The following LSAMP variants were observed in gnomAD, a reference collection of about 807,000 sequenced individuals.
LSAMP encodes limbic system-associated membrane protein.
A neutral mutation model predicts 38.6 loss-of-function variants in LSAMP; 7 were observed. That is an observed-to-expected ratio of 0.18 (90% CI 0.10 to 0.34). The LOEUF (loss-of-function observed/expected upper bound fraction) is 0.34. Among genes scored for constraint, LSAMP ranks in the 10% least tolerant of loss-of-function variants. LSAMP has a pLI of 1.00. For synonymous variants in LSAMP, 154 were observed against 166.8 expected, an observed-to-expected ratio of 0.92 and a Z score of 0.59; for missense variants, 313 against 420.0, an observed-to-expected ratio of 0.75 and a Z score of 2.23.
chr3:116,080,101 G>A (rs1027889300), intron 2 of LSAMP, among the ~76,000 whole-genome samples: 1 of 152,082 alleles, frequency 6.6e-6, no homozygotes, highest in Non-Finnish European at 1.5e-5. Context: ...GCCATAGACC[G>A]GATGTAGTTA....
At chr3:116,409,933 A>T (rs2048948881) in intron 1 of LSAMP, among the ~76,000 whole-genome samples, 1 of 152,082 alleles carries the variant, frequency 6.6e-6, no homozygotes, top group African/African-American at 2.4e-5. Flanking sequence ...GTGTCTGCTC[A>T]GATTCCTAAC....
At chr3:116,122,585 A>G (rs1166363342) in intron 1 of LSAMP, among the ~76,000 whole-genome samples, 2 of 152,192 alleles carry the variant, frequency 1.3e-5, no homozygotes, top group East Asian at 1.9e-4. Context: ...AGTAATCTCT[A>G]TGAGTGTGAA....
At chr3:116,410,175 G>A (rs907260705) in intron 1 of LSAMP, among the ~76,000 whole-genome samples, 23 of 151,938 alleles carry the variant, frequency 1.5e-4, no homozygotes, top group Non-Finnish European at 3.1e-4. Context: ...CCTCAATCAC[G>A]ACTCTAAGTG....
chr3:115,810,554 A>T, intron 6 of LSAMP, 140 bp from the exon 7 acceptor site: 1 of 681,844 alleles, frequency 1.5e-6, no homozygotes, highest in Non-Finnish European at 2.6e-6. Context: ...TGTGCAGCCC[A>T]AGAAGCGCTC....
intron 3 of LSAMP, among the ~76,000 whole-genome samples, chr3:115,904,654 G>A (rs544740475): frequency 6.6e-6 from 1 of 152,108 alleles, no homozygotes; most frequent in Non-Finnish European, 1.5e-5. Context: ...TCTAAAATGC[G>A]AATCTGATCA....
chr3:116,379,690 T>A (rs187742849), intron 1 of LSAMP, among the ~76,000 whole-genome samples: 43 of 151,802 alleles, frequency 2.8e-4, no homozygotes, highest in Non-Finnish European at 4.6e-4. Context: ...AAGAAAAAAA[T>A]ATATATATTT....
intron 1 of LSAMP, among the ~76,000 whole-genome samples, chr3:116,202,355 A>G (rs908836502): frequency 6.6e-6 from 1 of 151,910 alleles, no homozygotes; most frequent in Non-Finnish European, 1.5e-5. Context: ...GCTAATCTTG[A>G]ACTCCTGACC....
At chr3:116,024,114 C>A (rs1186744475) in intron 2 of LSAMP, among the ~76,000 whole-genome samples, 1 of 152,142 alleles carries the variant, frequency 6.6e-6, no homozygotes, top group African/African-American at 2.4e-5. Context: ...TCATGCCCCA[C>A]TCTGGAGGCC....
intron 3 of LSAMP, among the ~76,000 whole-genome samples, chr3:115,925,042 T>G (rs936955100): frequency 6.6e-6 from 1 of 152,198 alleles, no homozygotes; most frequent in Non-Finnish European, 1.5e-5. Context: ...ATTCCCTGCC[T>G]GTGGGGCTCA....
intron 6 of LSAMP, among the ~76,000 whole-genome samples, chr3:115,812,660 CAG>C (rs1356237400): frequency 3.9e-5 from 6 of 152,068 alleles, no homozygotes; most frequent in African/African-American, 7.2e-5. Context: ...GTTTTCAAAA[CAG>C]AGAAAAACTA....
At chr3:116,333,796 A>T (rs67178951) in intron 1 of LSAMP, among the ~76,000 whole-genome samples, 40,107 of 151,764 alleles carry the variant, frequency 0.26, 7,719 homozygotes, top group African/African-American at 0.54. Context: ...CGAACACTTA[A>T]ATTTAAAAAA....
At chr3:116,168,117 AAAC>A (rs1710105173) in intron 1 of LSAMP, among the ~76,000 whole-genome samples, 2 of 118,182 alleles carry the variant, frequency 1.7e-5, no homozygotes, top group African/African-American at 6.0e-5. Flanking sequence ...TGGTGGAAAT[AAAC>A]AAGTTATTCA....
At chr3:116,034,892 A>G (rs1040495543) in intron 2 of LSAMP, among the ~76,000 whole-genome samples, 1 of 152,160 alleles carries the variant, frequency 6.6e-6, no homozygotes, top group Non-Finnish European at 1.5e-5. Context: ...TATTTAACAT[A>G]TATATAGTGT....
chr3:116,037,818 T>C (rs1559929516), intron 2 of LSAMP, among the ~76,000 whole-genome samples: 1 of 152,106 alleles, frequency 6.6e-6, no homozygotes, highest in Non-Finnish European at 1.5e-5. Context: ...CATACTGATA[T>C]ATATATATCA....
intron 1 of LSAMP, among the ~76,000 whole-genome samples, chr3:116,187,988 CTG>C (rs1048971656): frequency 6.6e-6 from 1 of 152,220 alleles, no homozygotes; most frequent in South Asian, 2.1e-4. Context: ...TTGTTCCCCT[CTG>C]TGTGTCCGTG....
chr3:115,878,828 T>A (rs1488280994), intron 3 of LSAMP, among the ~76,000 whole-genome samples: 1 of 152,112 alleles, frequency 6.6e-6, no homozygotes, highest in Non-Finnish European at 1.5e-5. Context: ...ATGTCACCAA[T>A]TCCAGGAGTT....
intron 3 of LSAMP, among the ~76,000 whole-genome samples, chr3:115,975,704 T>A (rs1338835285): frequency 1.3e-5 from 2 of 152,118 alleles, no homozygotes; most frequent in Admixed American, 6.6e-5. Flanking sequence ...GCATTGACTG[T>A]TTTTTTCCCT....
chr3:116,211,516 CTA>C (rs2046156621), intron 1 of LSAMP, among the ~76,000 whole-genome samples: 1 of 152,128 alleles, frequency 6.6e-6, no homozygotes, highest in South Asian at 2.1e-4. Context: ...AACCAAGACT[CTA>C]TTAAGCTAAT....
chr3:116,112,585 A>G (rs1375918552), intron 1 of LSAMP, among the ~76,000 whole-genome samples: 1 of 152,178 alleles, frequency 6.6e-6, no homozygotes, highest in Admixed American at 6.5e-5. Flanking sequence ...CTTTTGGTCC[A>G]TGGCTCACAC....
Sources: allele counts gnomAD v4.1 joint callset (sites outside exome capture counted in the v4.1 genomes callset), GRCh38; gene constraint gnomAD v4.1.1; transcripts MANE v1.5; gene names NCBI Gene and HGNC (gene_info 2026-07-23, HGNC 2026-07-21).